Variants in XKR6 observed in about 807,000 individuals in gnomAD.
The protein encoded by XKR6 is XK related 6, also known as XK-related protein 6.
In XKR6, 22 loss-of-function variants were observed where a neutral mutation model predicts 56.7. The ratio of observed to expected loss-of-function variants is 0.39; its 90% CI spans 0.28 to 0.55. The LOEUF is 0.55. XKR6 is among the 20% of genes least tolerant of loss of function. The pLI is 0.66. For missense variants in XKR6, 852 were observed against 889.0 expected (o/e 0.96, Z 0.53); for synonymous variants, 524 against 387.8 (o/e 1.35, Z -4.13).
chr8:11,102,215 T>C (rs1464207510), intron 1 of XKR6, among the ~76,000 whole-genome samples: 1 of 152,140 alleles, frequency 6.6e-6, no homozygotes, highest in Non-Finnish European at 1.5e-5. Flanking sequence ...AGACCTGCCC[T>C]CCATCCCAGC....
chr8:11,144,567 C>G (rs1800882432), intron 1 of XKR6, among the ~76,000 whole-genome samples: 1 of 151,910 alleles, frequency 6.6e-6, no homozygotes, highest in Non-Finnish European at 1.5e-5. Context: ...GACTAACGAG[C>G]AGTTTGAGTC....
intron 1 of XKR6, among the ~76,000 whole-genome samples, chr8:11,001,179 C>G (rs900525414): frequency 1.3e-5 from 2 of 152,290 alleles, no homozygotes; most frequent in South Asian, 4.1e-4. Context: ...TTTTCTCCTC[C>G]TACTCAACCA....
At chr8:11,183,979 C>T (rs1422835695) in intron 1 of XKR6, among the ~76,000 whole-genome samples, 1 of 152,072 alleles carries the variant, frequency 6.6e-6, no homozygotes, top group East Asian at 1.9e-4. Flanking sequence ...CCCCCGGCTA[C>T]AACAGATGAT....
intron 1 of XKR6, among the ~76,000 whole-genome samples, chr8:11,111,067 G>GA (rs1798869131): frequency 6.8e-6 from 1 of 147,916 alleles, no homozygotes; most frequent in Non-Finnish European, 1.5e-5. Context: ...TGTTAGCCAG[G>GA]ATGGTCTCGA....
chr8:10,979,215 C>T (rs76045509), intron 1 of XKR6, among the ~76,000 whole-genome samples: 230 of 152,140 alleles, frequency 1.5e-3, no homozygotes, highest in African/African-American at 4.7e-3. Context: ...GGAAGGGCTC[C>T]TGGAAGGGCC....
chr8:11,142,073 C>T (rs7829396), intron 1 of XKR6, among the ~76,000 whole-genome samples: 79,595 of 150,988 alleles, frequency 0.53, 24,864 homozygotes, highest in African/African-American at 0.86. Context: ...TTGTTCTGAA[C>T]TTGAAGTAAA....
chr8:11,187,402 C>T (rs1050802505), intron 1 of XKR6, among the ~76,000 whole-genome samples: 1 of 152,172 alleles, frequency 6.6e-6, no homozygotes, highest in Non-Finnish European at 1.5e-5. Flanking sequence ...AAAGCTGCAT[C>T]GTGACACCAT....
At chr8:11,098,493 A>G (rs1323981766) in intron 1 of XKR6, among the ~76,000 whole-genome samples, 1 of 152,154 alleles carries the variant, frequency 6.6e-6, no homozygotes, top group African/African-American at 2.4e-5. Context: ...AGAAAGCACA[A>G]TTTGGAACTG....
At chr8:10,912,155 G>C (rs562864261) in intron 2 of XKR6, among the ~76,000 whole-genome samples, 1 of 147,484 alleles carries the variant, frequency 6.8e-6, no homozygotes, top group Non-Finnish European at 1.5e-5. Context: ...TATAGAGAGA[G>C]TATATGTATA....
intron 1 of XKR6, among the ~76,000 whole-genome samples, chr8:10,931,553 G>A (rs1261220159): frequency 6.6e-6 from 1 of 152,142 alleles, no homozygotes; most frequent in African/African-American, 2.4e-5. Context: ...TTGGCCAAGA[G>A]AGAAACATAG....
At chr8:11,164,677 G>A (rs577108781) in intron 1 of XKR6, among the ~76,000 whole-genome samples, 1 of 152,286 alleles carries the variant, frequency 6.6e-6, no homozygotes, top group Admixed American at 6.5e-5. Flanking sequence ...TGCCACAATA[G>A]AGAGGGTCTT....
At chr8:11,066,322 CCCA>C (rs1390665102) in intron 1 of XKR6, among the ~76,000 whole-genome samples, 1 of 152,232 alleles carries the variant, frequency 6.6e-6, no homozygotes, top group Non-Finnish European at 1.5e-5. Context: ...TTTTCTGCCT[CCCA>C]CCATTTCTAT....
At chr8:10,911,504 G>A (rs1800364704) in intron 2 of XKR6, among the ~76,000 whole-genome samples, 1 of 148,280 alleles carries the variant, frequency 6.7e-6, no homozygotes, top group Admixed American at 6.8e-5. Context: ...GAGAGGGTGA[G>A]ATTGTATATA....
intron 1 of XKR6, among the ~76,000 whole-genome samples, chr8:10,988,513 A>G (rs528013115): frequency 2.1e-4 from 32 of 152,322 alleles, no homozygotes; most frequent in Non-Finnish European, 2.2e-4. Context: ...TGTCACGTAG[A>G]TGCAACTGAA....
chr8:11,086,167 A>G (rs1476062464), intron 1 of XKR6, among the ~76,000 whole-genome samples: 2 of 145,166 alleles, frequency 1.4e-5, no homozygotes, highest in African/African-American at 5.5e-5. Flanking sequence ...TAAAAAAAAC[A>G]AGCATAATTC....
intron 2 of XKR6, among the ~76,000 whole-genome samples, chr8:10,922,040 G>A (rs890354860): frequency 6.6e-6 from 1 of 152,218 alleles, no homozygotes. Context: ...TGCCATGTAA[G>A]AACACAGTGT....
At chr8:11,142,204 C>G (rs973880270) in intron 1 of XKR6, among the ~76,000 whole-genome samples, 1 of 152,230 alleles carries the variant, frequency 6.6e-6, no homozygotes, top group Non-Finnish European at 1.5e-5. Flanking sequence ...AGCATCTATA[C>G]TCAGGTCTTG....
intron 1 of XKR6, among the ~76,000 whole-genome samples, chr8:10,974,509 A>C (rs1802496742): frequency 6.6e-6 from 1 of 152,210 alleles, no homozygotes; most frequent in South Asian, 2.1e-4. Flanking sequence ...GCCAGACTCT[A>C]GTTCCCAGGC....
chr8:10,900,099 T>C (rs1036723387), intron 2 of XKR6, among the ~76,000 whole-genome samples: 14 of 152,180 alleles, frequency 9.2e-5, no homozygotes, highest in African/African-American at 3.4e-4. Context: ...TGTAAGTAAA[T>C]GCAACAGGAG....
Sources: allele counts gnomAD v4.1 joint callset (sites outside exome capture counted in the v4.1 genomes callset), GRCh38; gene constraint gnomAD v4.1.1; transcripts MANE v1.5; gene names NCBI Gene and HGNC (gene_info 2026-07-23, HGNC 2026-07-21).